The following HYAL4 variants were observed in gnomAD, a reference collection of about 807,000 sequenced individuals.
The protein encoded by HYAL4 is hyaluronidase-4.
Under a neutral mutation model 35.2 loss-of-function variants are expected in HYAL4, and 37 were observed. The observed-to-expected ratio is 1.05, with a 90% CI of 0.81 to 1.38. The LOEUF is 1.38. HYAL4 is among the 40% of genes most tolerant of loss of function. The probability of loss-of-function intolerance (pLI) is 0.00; values close to 1 mark genes in which losing one functional copy is unlikely to be tolerated. For synonymous variants in HYAL4, 198 were observed against 203.2 expected (o/e 0.97, Z 0.22); for missense variants, 572 against 572.4 (o/e 1.00, Z 0.01).
Position 123,877,308 on chromosome 7 carries a change from T to A in HYAL4, c.*153T>A. 1 of 766,580 alleles carries A rather than the reference T, an allele frequency of 1.3e-6. No individual in the cohort carries two copies. The highest frequency in any genetic ancestry group is 2.2e-5 in the South Asian group (1 of 45,638). 47.5% of individuals were successfully genotyped at this position (766,580 alleles called of 1,614,324 possible). ...ACTTAACATAAACAGAAACATTATT[T>A]TATTTGCCTCCAGTCTGGCTAGGAA... On this transcript the variant is annotated 3_prime_UTR_variant, in exon 5 of 5. Coordinates refer to ENST00000223026, the MANE Select transcript of HYAL4 (RefSeq NM_012269.3).
the HYAL4 span, among the ~76,000 whole-genome samples, chr7:123,822,364 TTAAGTTTATTCC>T: frequency 2.0e-5 from 3 of 152,162 alleles, no homozygotes; most frequent in Non-Finnish European, 4.4e-5. Flanking sequence ...ACTTTTTTGG[TTAAGTTTATTCC>T]TAAGTATTTT....
At chr7:123,862,558 C>T (rs909938324) in intron 2 of HYAL4, among the ~76,000 whole-genome samples, 78 of 152,130 alleles carry the variant, frequency 5.1e-4, no homozygotes, top group Admixed American at 3.9e-4. Context: ...TAAAAAACAT[C>T]GCACTGGGTG....
the HYAL4 span, among the ~76,000 whole-genome samples, chr7:123,774,513 A>G: frequency 6.6e-5 from 10 of 151,892 alleles, no homozygotes; most frequent in Non-Finnish European, 1.5e-4. Context: ...GATATCTACT[A>G]TAATTGGGAT....
the HYAL4 span, among the ~76,000 whole-genome samples, chr7:123,808,540 C>T: frequency 6.6e-6 from 1 of 151,838 alleles, no homozygotes; most frequent in African/African-American, 2.4e-5. Flanking sequence ...ATGGTAAAGC[C>T]TCATGCTCAT....
At chr7:123,843,129 G>A (rs1007322479), upstream of HYAL4, among the ~76,000 whole-genome samples, 5 of 151,986 alleles carry the variant, frequency 3.3e-5, no homozygotes, top group Admixed American at 2.0e-4. Flanking sequence ...TTTTGCAGTG[G>A]CTGGTGCCGG....
At chr7:123,852,775 A>G (rs531790583) in intron 2 of HYAL4, among the ~76,000 whole-genome samples, 9 of 152,320 alleles carry the variant, frequency 5.9e-5, no homozygotes, top group African/African-American at 1.9e-4. Flanking sequence ...TCTGTGAAGA[A>G]AGTCAATAGT....
chr7:123,767,740 G>C, the HYAL4 span, among the ~76,000 whole-genome samples: 1 of 152,152 alleles, frequency 6.6e-6, no homozygotes, highest in South Asian at 2.1e-4. Flanking sequence ...ACCTATAAGA[G>C]ATGGGTCAGT....
At chr7:123,848,226 G>GA (rs1181674988) in intron 2 of HYAL4, 68 bp downstream of exon 2, 1 of 152,460 alleles carries the variant, frequency 6.6e-6, no homozygotes, top group Non-Finnish European at 1.5e-5. Flanking sequence ...TGAGGAGTTA[G>GA]AAAAAAGCCA....
the HYAL4 span, among the ~76,000 whole-genome samples, chr7:123,788,839 C>T: frequency 1.3e-5 from 2 of 152,198 alleles, no homozygotes; most frequent in African/African-American, 2.4e-5. Context: ...TACCTCTGTT[C>T]GTAAAATTCC....
chr7:123,837,888 T>C (rs921652441), intron 1 of HYAL4, among the ~76,000 whole-genome samples: 4 of 152,148 alleles, frequency 2.6e-5, no homozygotes, highest in African/African-American at 9.7e-5. Flanking sequence ...ATGGTGTATA[T>C]GTGTCACATT....
chr7:123,851,577 C>A (rs1361201760), intron 2 of HYAL4, among the ~76,000 whole-genome samples: 3 of 152,096 alleles, frequency 2.0e-5, no homozygotes, highest in Non-Finnish European at 2.9e-5. Context: ...TGAACTCATT[C>A]TTTTTTATGG....
chr7:123,825,718 TAGTC>T (rs999365038), upstream of HYAL4, among the ~76,000 whole-genome samples: 8 of 151,872 alleles, frequency 5.3e-5, no homozygotes, highest in South Asian at 2.1e-4. Context: ...TTGAACCACT[TAGTC>T]AATCAATCAA....
At chr7:123,862,859 C>G (rs1026635503) in intron 2 of HYAL4, among the ~76,000 whole-genome samples, 2 of 152,224 alleles carry the variant, frequency 1.3e-5, no homozygotes, top group African/African-American at 4.8e-5. Context: ...AAGCCCACCA[C>G]ATCTTTCCCA....
In HYAL4 at chr7:123,868,477, T is replaced by A. The variant is rs761974692; in HGVS notation, c.204T>A (p.Asn68Lys). ...TGATAAAATATAATTTAAGACTAAA[T>A]TTGAAAATGTTTCCTGTGATTGGAA... ...QCLIKYNLRLNLKMFPVIGSP... is the reference protein window; with the variant it reads ...QCLIKYNLRLKLKMFPVIGSP... Residue 68 changes from asparagine (N) to lysine (K), a missense_variant, in exon 3 of 5, where the codon AAT (asparagine) becomes AAA (lysine). Asn to Lys is a moderately conservative substitution (Grantham distance 94). Coordinates refer to ENST00000223026, the MANE Select transcript of HYAL4 (RefSeq NM_012269.3). 6.2e-7 allele frequency: 1 copy of A among 1,604,264 alleles called. No homozygotes were observed. Among genetic ancestry groups the A allele is most frequent in the Non-Finnish European group, 8.5e-7 (1 of 1,177,660 alleles).
intron 2 of HYAL4, among the ~76,000 whole-genome samples, chr7:123,867,853 TA>T (rs543658968): frequency 3.9e-5 from 6 of 152,030 alleles, no homozygotes; most frequent in Middle Eastern, 3.2e-3. Context: ...ATTACAAGTT[TA>T]AAAAAAATAT....
intron 3 of HYAL4, among the ~76,000 whole-genome samples, chr7:123,870,429 A>T (rs36930): frequency 1.3e-5 from 2 of 152,070 alleles, no homozygotes; most frequent in African/African-American, 4.8e-5. Context: ...AAATAATTGA[A>T]TGAAGAATAA....
chr7:123,854,070 A>G (rs1428968322), intron 2 of HYAL4, among the ~76,000 whole-genome samples: 2 of 151,920 alleles, frequency 1.3e-5, no homozygotes, highest in African/African-American at 2.4e-5. Flanking sequence ...ATCAGTGGTG[A>G]TACTCCCTTT....
At chr7:123,807,099 T>C in the HYAL4 span, among the ~76,000 whole-genome samples, 1 of 152,234 alleles carries the variant, frequency 6.6e-6, no homozygotes, top group Non-Finnish European at 1.5e-5. Context: ...CCTGCTTATT[T>C]CTGAAGGAGT....
the HYAL4 span, among the ~76,000 whole-genome samples, chr7:123,801,464 T>C: frequency 6.6e-6 from 1 of 152,116 alleles, no homozygotes; most frequent in African/African-American, 2.4e-5. Context: ...GCCTTTTCTC[T>C]CATGAAAGGC....
Sources: gnomAD v4.1 joint callset for allele counts (sites outside exome capture counted in the v4.1 genomes callset) on GRCh38, gnomAD v4.1.1 for gene constraint, MANE v1.5 for transcripts, NCBI Gene and HGNC (gene_info 2026-07-23, HGNC 2026-07-21) for gene names.